The following SPAST variants were observed in gnomAD, a reference collection of about 807,000 sequenced individuals.
SPAST encodes the protein spastic paraplegia 4 (autosomal dominant; spastin).
In SPAST, 30 loss-of-function variants were observed where a neutral mutation model predicts 76.6. The observed-to-expected ratio is 0.39, with a 90% CI of 0.29 to 0.53. SPAST has a LOEUF of 0.53. Ranked by LOEUF, SPAST falls within the 20% of genes least tolerant of loss-of-function variation. The pLI, the probability that SPAST is intolerant of heterozygous loss-of-function variation, is 0.68. For missense variants in SPAST, 717 were observed against 770.5 expected (o/e 0.93, Z 0.82); for synonymous variants, 305 against 281.0 (o/e 1.09, Z -0.86).
At chr2:32,070,627 A>G (rs1040343806) in intron 1 of SPAST, among the ~76,000 whole-genome samples, 2 of 152,206 alleles carry the variant, frequency 1.3e-5, no homozygotes, top group African/African-American at 2.4e-5. Context: ...GTACATACGT[A>G]TATATGTACA....
chr2:32,105,534 G>A (rs564183575), intron 4 of SPAST, among the ~76,000 whole-genome samples: 6 of 152,202 alleles, frequency 3.9e-5, no homozygotes, highest in African/African-American at 1.4e-4. Context: ...GAGAAGAGGC[G>A]CTCTGAATTT....
At chr2:32,136,783 A>AC in intron 10 of SPAST, 94 bp from the exon 11 acceptor site, 1 of 1,197,776 alleles carries the variant, frequency 8.3e-7, no homozygotes, top group Non-Finnish European at 1.2e-6. Flanking sequence ...ATTTAGTAGG[A>AC]CCCACTATAT....
At chr2:32,106,951 A>G (rs1325487481) in intron 4 of SPAST, among the ~76,000 whole-genome samples, 1 of 151,542 alleles carries the variant, frequency 6.6e-6, no homozygotes, top group African/African-American at 2.4e-5. Context: ...TTTCTAAAAT[A>G]TGTATTTGAG....
At chr2:32,107,841 C>A (rs1465629097) in intron 4 of SPAST, among the ~76,000 whole-genome samples, 1 of 152,112 alleles carries the variant, frequency 6.6e-6, no homozygotes, top group Non-Finnish European at 1.5e-5. Flanking sequence ...AAGTAGATCA[C>A]TCAGACCTAT....
chr2:32,076,789 T>C (rs980824950), intron 1 of SPAST, among the ~76,000 whole-genome samples: 2 of 152,134 alleles, frequency 1.3e-5, no homozygotes, highest in African/African-American at 4.8e-5. Context: ...CTCGAGCTCC[T>C]TGGCTTAAGT....
rs186846800 is a variant in SPAST at position 32,091,782 on chromosome 2, C to G, written c.586+2177C>G. On this transcript the variant is annotated intron_variant, in intron 3 of 16. Transcript: ENST00000315285. ...CCAGGAGGCGGAGCTTGCAGTGAGC[C>G]GAGATCATGCCACTGCACTCCAGGC... Among the ~76,000 whole-genome samples the G allele has an allele frequency of 3.1e-3, 477 of 151,464 alleles. 1 individual carries two copies. Among genetic ancestry groups the G allele is most frequent in the Non-Finnish European group, 4.8e-3 (329 of 67,884 alleles).
chr2:32,083,749 A>ATATAT (rs1558620101), intron 1 of SPAST, among the ~76,000 whole-genome samples: 5 of 54,292 alleles, frequency 9.2e-5, no homozygotes, highest in South Asian at 8.7e-4. Context: ...ATTTATATAT[A>ATATAT]CTATATATAT....
In SPAST at chr2:32,065,173, C is replaced by T. The variant is rs372550851; in HGVS notation, c.415+927C>T. 2.6e-4 allele frequency among the ~76,000 whole-genome samples: 40 copies of T among 152,152 alleles called. No homozygotes were observed. The East Asian group carries it at 6.0e-3, about 23-fold the overall frequency. The stretch of plus-strand genomic sequence containing the variant: ...TAGCTGGGATTACAGGCACGCACCA[C>T]CACGCCTGGCTAATTTTTGTATTTT... On this transcript the variant is annotated intron_variant, in intron 1 of 16. Coordinates refer to ENST00000315285, the MANE Select transcript of SPAST (RefSeq NM_014946.4).
chr2:32,131,055 C>G (rs1487875970), intron 9 of SPAST, among the ~76,000 whole-genome samples: 1 of 152,194 alleles, frequency 6.6e-6, no homozygotes, highest in Non-Finnish European at 1.5e-5. Flanking sequence ...AAAGTAGCCT[C>G]CATCACTATG....
chr2:32,137,036 G>A, intron 11 of SPAST, 68 bp downstream of exon 11: 3 of 1,544,680 alleles, frequency 1.9e-6, no homozygotes, highest in Non-Finnish European at 2.7e-6. Flanking sequence ...AATGGCCAAG[G>A]TTAAAAATAC....
intron 1 of SPAST, among the ~76,000 whole-genome samples, chr2:32,084,639 A>G (rs1446378621): frequency 1.3e-5 from 2 of 151,766 alleles, no homozygotes; most frequent in Non-Finnish European, 2.9e-5. Flanking sequence ...TAATCCTAGC[A>G]CTTTTGGAGG....
At chr2:32,141,780 T>C (rs1490481219) in intron 12 of SPAST, 124 bp from the exon 13 acceptor site, 2 of 718,338 alleles carry the variant, frequency 2.8e-6, no homozygotes, top group Non-Finnish European at 4.7e-6. Flanking sequence ...ATTTTTACAT[T>C]GATAACTACC....
rs1391009993 is a variant in SPAST at position 32,083,737 on chromosome 2, ATATTTATATATAC to A, written c.416-3751_416-3739del. ...CTATATATATTTATATATACTATAT[ATATTTATATATAC>A]TATATATATATATATATATATATAT... On this transcript the variant is annotated intron_variant, in intron 1 of 16. Coordinates refer to ENST00000315285, the MANE Select transcript of SPAST (RefSeq NM_014946.4). 6.8e-3 allele frequency among the ~76,000 whole-genome samples: 481 copies of A among 70,560 alleles called. 2 individuals are homozygous for A. The highest frequency in any genetic ancestry group is 0.018 in the African/African-American group (318 of 17,390). The allele number at this position is 70,560 out of a possible 152,430, so 46.3% of individuals were successfully genotyped here.
At chr2:32,150,367 A>G (rs1680041903) in intron 16 of SPAST, among the ~76,000 whole-genome samples, 1 of 150,224 alleles carries the variant, frequency 6.7e-6, no homozygotes, top group Non-Finnish European at 1.5e-5. Flanking sequence ...TAGGGATTAC[A>G]GGCATGAGCC....
chr2:32,083,361 A>G (rs967381820), intron 1 of SPAST, among the ~76,000 whole-genome samples: 1 of 151,890 alleles, frequency 6.6e-6, no homozygotes, highest in South Asian at 2.1e-4. Context: ...TTGTTGACTC[A>G]TGTGGTAAAT....
chr2:32,154,547 A>G lies in SPAST; in HGVS notation c.*51A>G, dbSNP rs6730121. ...ACATTTTACTTAAAAGAGGAAACAC[A>G]AGATCTTCAATGAACGTCATCGGCT... is the stretch of plus-strand genomic sequence containing the variant. On this transcript the variant is annotated 3_prime_UTR_variant, in exon 17 of 17. Transcript: ENST00000315285. 1,969 of 1,583,282 alleles carry G rather than the reference A, an allele frequency of 1.2e-3. 27 individuals carry two copies. The African/African-American group carries it at 0.024, about 19-fold the overall frequency.
chr2:32,067,861 T>C (rs1010376580), intron 1 of SPAST, among the ~76,000 whole-genome samples: 4 of 151,834 alleles, frequency 2.6e-5, no homozygotes, highest in African/African-American at 9.7e-5. Flanking sequence ...TAGGTTTTAT[T>C]GTAAAGTGGT....
chr2:32,089,146 C>G (rs930747161), intron 2 of SPAST, among the ~76,000 whole-genome samples: 4 of 150,930 alleles, frequency 2.7e-5, no homozygotes, highest in African/African-American at 9.7e-5. Context: ...ACTGCAACAT[C>G]CACTTCCTGG....
intron 1 of SPAST, among the ~76,000 whole-genome samples, chr2:32,076,082 A>G (rs972704699): frequency 3.3e-5 from 5 of 149,704 alleles, no homozygotes; most frequent in African/African-American, 7.4e-5. Flanking sequence ...TGTATTTTTA[A>G]TAGAGATGGG....
Sources: gnomAD v4.1 joint callset for allele counts (sites outside exome capture counted in the v4.1 genomes callset) on GRCh38, gnomAD v4.1.1 for gene constraint, MANE v1.5 for transcripts, NCBI Gene and HGNC (gene_info 2026-07-23, HGNC 2026-07-21) for gene names.